Variants in TMEM132D observed in about 807,000 individuals in gnomAD.
TMEM132D encodes transmembrane protein 132D, also known as mature OL transmembrane protein.
Under a neutral mutation model 62.3 loss-of-function variants are expected in TMEM132D, and 21 were observed. The ratio of observed to expected loss-of-function variants is 0.34; its 90% CI spans 0.24 to 0.49. The LOEUF is 0.49. TMEM132D is among the 20% of genes least tolerant of loss of function. The pLI, the probability that TMEM132D is intolerant of heterozygous loss-of-function variation, is 0.99. For synonymous variants in TMEM132D, 621 were observed against 575.6 expected (o/e 1.08, Z -1.13); for missense variants, 1,346 against 1,402.8 (o/e 0.96, Z 0.65).
intron 1 of TMEM132D, among the ~76,000 whole-genome samples, chr12:129,898,514 C>T (rs1455393952): frequency 6.6e-6 from 1 of 152,176 alleles, no homozygotes; most frequent in African/African-American, 2.4e-5. Flanking sequence ...TAAAAGGCGA[C>T]GTGACTAAGT....
Position 129,229,740 on chromosome 12 carries a change from A to T in TMEM132D, c.1300-20077T>A, listed in dbSNP as rs561160103. On this transcript the variant is annotated intron_variant, in intron 4 of 8. Transcript: ENST00000422113. ...AACCTAAAAGTGGGTCTTGTTTAGA[A>T]TTTTAACCCTCTAGAGGCACCGAAA... is the stretch of plus-strand genomic sequence containing the variant. 1.4e-3 allele frequency among the ~76,000 whole-genome samples: 209 copies of T among 152,322 alleles called. 1 individual carries two copies. The highest frequency in any genetic ancestry group is 4.8e-3 in the African/African-American group (198 of 41,582).
At chr12:129,781,512 A>G (rs1051520453) in intron 1 of TMEM132D, among the ~76,000 whole-genome samples, 11 of 152,216 alleles carry the variant, frequency 7.2e-5, no homozygotes, top group Non-Finnish European at 1.6e-4. Flanking sequence ...AGCTTACATA[A>G]GACACAGGTT....
intron 5 of TMEM132D, among the ~76,000 whole-genome samples, chr12:129,086,675 T>C (rs1874632008): frequency 7.3e-6 from 1 of 137,626 alleles, no homozygotes; most frequent in Admixed American, 7.8e-5. Context: ...ATATAATATA[T>C]AATACAAATT....
intron 5 of TMEM132D, among the ~76,000 whole-genome samples, chr12:129,154,619 GATC>G (rs1565980532): frequency 6.6e-6 from 1 of 152,150 alleles, no homozygotes; most frequent in Non-Finnish European, 1.5e-5. Flanking sequence ...TCCAAGGATG[GATC>G]ATATTGTTTG....
intron 5 of TMEM132D, among the ~76,000 whole-genome samples, chr12:129,195,879 C>A (rs559510296): frequency 7.2e-5 from 11 of 152,180 alleles, no homozygotes; most frequent in Admixed American, 4.6e-4. Context: ...GTAATCCCAG[C>A]ATTTTGGGAG....
At chr12:129,812,874 C>T (rs1224209782) in intron 1 of TMEM132D, among the ~76,000 whole-genome samples, 1 of 151,748 alleles carries the variant, frequency 6.6e-6, no homozygotes, top group African/African-American at 2.4e-5. Flanking sequence ...TGTCACCTCT[C>T]AAATGTGTGT....
rs559001800 is a variant in TMEM132D at position 129,414,843 on chromosome 12, C to A, written c.1116-77026G>T. Among the ~76,000 whole-genome samples, 3 of 152,304 alleles carry A rather than the reference C, an allele frequency of 2.0e-5. No homozygotes were observed. The South Asian group carries it at 6.2e-4, about 32-fold the overall frequency. On this transcript the variant is annotated intron_variant, in intron 3 of 8. Transcript: ENST00000422113. ...ACCCCACCGCCCAGTCTCTGGTCAC[C>A]ACCATTCTACTATTCTACTCTCTGT...
intron 3 of TMEM132D, among the ~76,000 whole-genome samples, chr12:129,400,342 G>C (rs955213200): frequency 1.5e-4 from 23 of 152,116 alleles, no homozygotes; most frequent in Non-Finnish European, 1.5e-5. Context: ...CCTGCCAGTG[G>C]GTTTACAGCG....
At chr12:129,137,690 C>A (rs1231325558) in intron 5 of TMEM132D, among the ~76,000 whole-genome samples, 1 of 152,146 alleles carries the variant, frequency 6.6e-6, no homozygotes, top group East Asian at 1.9e-4. Context: ...TTGCCCCTTC[C>A]TGCTTCATTC....
intron 2 of TMEM132D, among the ~76,000 whole-genome samples, chr12:129,554,600 G>T (rs1055256994): frequency 3.3e-5 from 5 of 152,024 alleles, no homozygotes; most frequent in African/African-American, 1.2e-4. Flanking sequence ...TCTGAATCTT[G>T]TCCACCTATA....
chr12:129,175,639 T>C (rs983730000), intron 5 of TMEM132D, among the ~76,000 whole-genome samples: 1 of 151,744 alleles, frequency 6.6e-6, no homozygotes, highest in Non-Finnish European at 1.5e-5. Flanking sequence ...ACCTGGGAGG[T>C]GGAAGTTGCA....
At chr12:129,672,877 A>G (rs1880533030) in intron 2 of TMEM132D, among the ~76,000 whole-genome samples, 1 of 152,082 alleles carries the variant, frequency 6.6e-6, no homozygotes, top group Non-Finnish European at 1.5e-5. Flanking sequence ...CCTCTCCAGT[A>G]GCTGGGACTA....
At position 129,575,314 on chromosome 12, in the gene TMEM132D, T is replaced by C. The variant is rs1271877692; in HGVS notation, c.969-44109A>G. On this transcript the variant is annotated intron_variant, in intron 2 of 8. Transcript: ENST00000422113. ...AAGTTTTGGAGGAGTCAAAAGTCAT[T>C]CCGCCGGTCCTGCTCAGCTTGGCTG... Among the ~76,000 whole-genome samples the C allele has an allele frequency of 2.0e-5, 3 of 151,796 alleles. No individual in the cohort carries two copies. In the East Asian group the frequency reaches 5.8e-4, roughly 29 times the overall value.
At chr12:129,145,379 G>C (rs1015351687) in intron 5 of TMEM132D, among the ~76,000 whole-genome samples, 1 of 152,132 alleles carries the variant, frequency 6.6e-6, no homozygotes, top group Non-Finnish European at 1.5e-5. Flanking sequence ...TCAGGGATGC[G>C]TTTCAAGGGG....
intron 3 of TMEM132D, among the ~76,000 whole-genome samples, chr12:129,492,117 C>T (rs1254440593): frequency 6.6e-6 from 1 of 152,178 alleles, no homozygotes; most frequent in Non-Finnish European, 1.5e-5. Context: ...GTCAGGTTGA[C>T]AAACTTCCTG....
chr12:129,747,196 T>TCCTCCCG (rs1869819328), intron 1 of TMEM132D, among the ~76,000 whole-genome samples: 1 of 20,586 alleles, frequency 4.9e-5, no homozygotes, highest in Non-Finnish European at 9.8e-5. Context: ...CCCTCCTCCC[T>TCCTCCCG]CTCCTTCTTA....
At chr12:129,875,058 A>G (rs1241696755) in intron 1 of TMEM132D, among the ~76,000 whole-genome samples, 1 of 152,270 alleles carries the variant, frequency 6.6e-6, no homozygotes, top group Admixed American at 6.5e-5. Context: ...TAATTTCAAT[A>G]AGTAAATCAA....
intron 5 of TMEM132D, among the ~76,000 whole-genome samples, chr12:129,092,119 C>T (rs1009481527): frequency 3.3e-5 from 5 of 152,184 alleles, no homozygotes; most frequent in Admixed American, 1.3e-4. Context: ...CCATTTCCAG[C>T]CAGTCACACT....
chr12:129,406,941 C>T (rs1486469621), intron 3 of TMEM132D, among the ~76,000 whole-genome samples: 2 of 152,152 alleles, frequency 1.3e-5, no homozygotes, highest in Non-Finnish European at 2.9e-5. Flanking sequence ...TCCAATCCAC[C>T]GTGCATATTA....
Sources: allele counts gnomAD v4.1 joint callset (sites outside exome capture counted in the v4.1 genomes callset), GRCh38; gene constraint gnomAD v4.1.1; transcripts MANE v1.5; gene names NCBI Gene and HGNC (gene_info 2026-07-23, HGNC 2026-07-21).